The following RASGRF1 variants were observed in gnomAD, a reference collection of about 807,000 sequenced individuals.
RASGRF1 encodes ras-specific guanine nucleotide-releasing factor 1.
A neutral mutation model predicts 138.7 loss-of-function variants in RASGRF1; 40 were observed. The observed-to-expected ratio is 0.29, with a 90% CI of 0.22 to 0.38. The LOEUF (loss-of-function observed/expected upper bound fraction) is 0.38. Ranked by LOEUF, RASGRF1 falls within the 10% of genes least tolerant of loss-of-function variation. The pLI is 1.00. For synonymous variants in RASGRF1, 614 were observed against 663.2 expected (o/e 0.93, Z 1.14); for missense variants, 1,108 against 1,650.4 (o/e 0.67, Z 5.69).
At chr15:78,997,994 G>T in intron 19 of RASGRF1, 102 bp downstream of exon 19, 2 of 978,522 alleles carry the variant, frequency 2.0e-6, no homozygotes, top group Non-Finnish European at 1.6e-6. Context: ...TGACAAGGGC[G>T]CTCTTCACCT....
chr15:79,015,329 G>C lies in RASGRF1; in HGVS notation c.1824C>G (p.Ile608Met). 1.2e-6 allele frequency: 2 copies of C among 1,612,436 alleles called. No homozygotes were observed. The highest frequency in any genetic ancestry group is 1.7e-6 in the Non-Finnish European group (2 of 1,178,440). ...AAGATGGGGTTAAGGGCACTTACTT[G>C]ATCATCTGCGGCACAGTGACCTTGG... is the stretch of plus-strand genomic sequence containing the variant. ...ENSKVTVPQM[I>M]KSDASLYCDD... Residue 608 changes from isoleucine to methionine, a missense_variant and splice_region_variant, in exon 13 of 27, where the codon ATC becomes ATG. Ile to Met is a conservative substitution (Grantham distance 10, BLOSUM62 1). Transcript: ENST00000558480.
At chr15:79,011,595 C>T (rs1449262803) in intron 13 of RASGRF1, among the ~76,000 whole-genome samples, 1 of 152,212 alleles carries the variant, frequency 6.6e-6, no homozygotes, top group Non-Finnish European at 1.5e-5. Context: ...GAACTGACGG[C>T]TACAGCTGTG....
At position 79,058,473 on chromosome 15, in the gene RASGRF1, G is replaced by C. The variant is rs1396772688; in HGVS notation, c.392C>G (p.Thr131Ser). Residue 131 changes from threonine to serine, a missense_variant, in exon 3 of 27, where the codon ACC becomes AGC. Physicochemically the swap from Thr to Ser is moderately conservative, Grantham distance 58 (BLOSUM62 1). This residue lies in a region of RASGRF1 where 253 missense variants were observed against 329.5 expected (regional missense o/e 0.77). Coordinates refer to ENST00000558480, the MANE Select transcript of RASGRF1 (RefSeq NM_001145648.3). ...VAAIAHASYRTLATEHEALMQ... is the reference protein window; with the variant it reads ...VAAIAHASYRSLATEHEALMQ... ...TAATGCCTCATGCTCTGTGGCGAGG[G>C]TCCTGTAGCTGTGGACAGATGGACA... 1 of 1,614,136 alleles carries C rather than the reference G, an allele frequency of 6.2e-7. No individual in the cohort carries two copies. Among genetic ancestry groups the C allele is most frequent in the Admixed American group, 1.7e-5 (1 of 60,036 alleles).
intron 8 of RASGRF1, among the ~76,000 whole-genome samples, chr15:79,030,725 A>G (rs964831598): frequency 2.6e-5 from 4 of 152,132 alleles, no homozygotes; most frequent in Admixed American, 6.5e-5. Flanking sequence ...TTCCACATCA[A>G]ATCCATCAGA....
In RASGRF1 at chr15:79,090,573, G is replaced by A. The variant is rs1022889263; in HGVS notation, c.-75C>T. The A allele has an allele frequency of 2.1e-5, 32 of 1,558,652 alleles. No homozygotes were observed. The East Asian group carries it at 7.2e-4, about 35-fold the overall frequency. ...GCAGCCCCCCGTCCGTGCGCGCTGCGCGCTGCCTCTCTCTGGCGCTCGCTC... is the reference window on the plus strand; with the variant it reads ...GCAGCCCCCCGTCCGTGCGCGCTGCACGCTGCCTCTCTCTGGCGCTCGCTC... On this transcript the variant is annotated 5_prime_UTR_variant, in exon 1 of 27. Coordinates refer to ENST00000558480, the MANE Select transcript of RASGRF1 (RefSeq NM_001145648.3).
intron 22 of RASGRF1, among the ~76,000 whole-genome samples, chr15:78,988,525 G>C: frequency 6.6e-6 from 1 of 152,214 alleles, no homozygotes; most frequent in East Asian, 1.9e-4. Context: ...AGGCCCCAAA[G>C]GGCTCCTCCC....
chr15:79,056,332 T>A (rs927334677), intron 3 of RASGRF1, among the ~76,000 whole-genome samples: 1 of 152,212 alleles, frequency 6.6e-6, no homozygotes, highest in Non-Finnish European at 1.5e-5. Flanking sequence ...GTACTGGGGC[T>A]GGACTCCTTC....
intron 1 of RASGRF1, 134 bp downstream of exon 1, chr15:79,090,089 T>A (rs919221111): frequency 1.6e-6 from 2 of 1,269,596 alleles, no homozygotes; most frequent in South Asian, 3.2e-5. Flanking sequence ...CCCCTCTCGC[T>A]GAGGGTGCAG....
rs1182395400 is a variant in RASGRF1, at chr15:79,003,823, G to A, written c.2428C>T (p.Pro810Ser). 2 of 1,605,788 alleles carry A rather than the reference G, an allele frequency of 1.2e-6. No individual in the cohort carries two copies. Among genetic ancestry groups the A allele is most frequent in the Non-Finnish European group, 1.7e-6 (2 of 1,175,670 alleles). The change falls in exon 15 of 27, where the codon CCT becomes TCT. Residue 810 changes from proline to serine, a missense_variant. Coordinates refer to ENST00000558480, the MANE Select transcript of RASGRF1 (RefSeq NM_001145648.3). ...TCACTCTGCTTGCTGAGCGCTGAAG[G>A]GTCTTCGGGCTTCTCAGGGGTCGTA... ...GDTTPEKPED[P>S]SALSKQSSEV...
intron 1 of RASGRF1, among the ~76,000 whole-genome samples, chr15:79,077,921 C>T (rs371731625): frequency 2.0e-5 from 3 of 147,878 alleles, no homozygotes; most frequent in Non-Finnish European, 3.0e-5. Flanking sequence ...GTGGGGTGGG[C>T]TCGGGGATAG....
At chr15:78,968,508 CCTAGG>C (rs1038518489) in intron 26 of RASGRF1, among the ~76,000 whole-genome samples, 1 of 152,114 alleles carries the variant, frequency 6.6e-6, no homozygotes, top group African/African-American at 2.4e-5. Context: ...ACTTCAAACT[CCTAGG>C]CTCAAGTGAT....
intron 4 of RASGRF1, among the ~76,000 whole-genome samples, chr15:79,048,387 G>C (rs2057383603): frequency 6.6e-6 from 1 of 152,190 alleles, no homozygotes; most frequent in Admixed American, 6.5e-5. Context: ...ATAGCCTCTG[G>C]AGCTTGGCCG....
intron 24 of RASGRF1, chr15:78,979,147 C>T: frequency 7.8e-7 from 1 of 1,289,490 alleles, no homozygotes; most frequent in Non-Finnish European, 1.0e-6. Context: ...TCCACAGGGG[C>T]TCTCGGGAGC....
At chr15:79,000,103 C>T (rs1205231107) in intron 16 of RASGRF1, among the ~76,000 whole-genome samples, 190 bp from the exon 17 acceptor site, 2 of 152,100 alleles carry the variant, frequency 1.3e-5, no homozygotes, top group Non-Finnish European at 2.9e-5. Flanking sequence ...TGGGGAGAGT[C>T]ACACCACAAC....
chr15:79,054,110 A>G (rs1001158618), intron 3 of RASGRF1, among the ~76,000 whole-genome samples: 3 of 152,260 alleles, frequency 2.0e-5, no homozygotes, highest in African/African-American at 7.2e-5. Context: ...GCAAGCTGGC[A>G]TGATAGAGTG....
intron 24 of RASGRF1, among the ~76,000 whole-genome samples, chr15:78,974,575 G>A (rs1044874370): frequency 3.3e-5 from 5 of 152,196 alleles, no homozygotes; most frequent in African/African-American, 1.2e-4. Flanking sequence ...TGATTTACAG[G>A]CACGATATTA....
Position 79,015,375 on chromosome 15 carries a change from A to T in RASGRF1, c.1778T>A (p.Met593Lys), listed in dbSNP as rs775786989. The T allele has an allele frequency of 6.2e-7, 1 of 1,614,026 alleles. No individual in the cohort carries two copies. The change falls in exon 13 of 27, where the codon ATG (methionine) becomes AAG (lysine). Residue 593 changes from methionine to lysine, a missense_variant. Physicochemically the swap from Met to Lys is moderately conservative, Grantham distance 95. Around this residue, in one of 3 missense-constraint regions of RASGRF1, gnomAD observed 686 missense variants for 976.7 expected, o/e 0.70. Transcript: ENST00000558480. Reference sequence around the variant, plus strand: ...CTTGGAATTTTCTTCAAATGCGTTCATCATGAGCCCATTGCATCGGATGTT... The same window carrying T: ...CTTGGAATTTTCTTCAAATGCGTTCTTCATGAGCCCATTGCATCGGATGTT... Reference protein sequence around the residue: ...VDNIRCNGLMMNAFEENSKVT... With the variant: ...VDNIRCNGLMKNAFEENSKVT...
chr15:79,071,750 C>G (rs890353068), intron 1 of RASGRF1, among the ~76,000 whole-genome samples: 4 of 152,124 alleles, frequency 2.6e-5, no homozygotes, highest in African/African-American at 9.7e-5. Flanking sequence ...CTTCCCTCCC[C>G]ACTCTTCCCA....
chr15:78,968,310 T>A (rs2141591109), intron 26 of RASGRF1, among the ~76,000 whole-genome samples: 1 of 147,550 alleles, frequency 6.8e-6, no homozygotes, highest in South Asian at 2.2e-4. Flanking sequence ...CTCACTCTGC[T>A]GCCCAGGCTA....
Sources: allele counts gnomAD v4.1 joint callset (sites outside exome capture counted in the v4.1 genomes callset), GRCh38; gene constraint gnomAD v4.1.1; regional missense constraint gnomAD v4.1.1; transcripts MANE v1.5; gene names NCBI Gene and HGNC (gene_info 2026-07-23, HGNC 2026-07-21).